Variants in GRIA2 observed in about 807,000 individuals in gnomAD.
The protein encoded by GRIA2 is glutamate ionotropic receptor AMPA type subunit 2.
A neutral mutation model predicts 97.3 loss-of-function variants in GRIA2; 14 were observed. The ratio of observed to expected loss-of-function variants is 0.14; its 90% CI spans 0.10 to 0.23. GRIA2 has a LOEUF of 0.23. GRIA2 is among the 10% of genes least tolerant of loss of function. The pLI is 1.00. For missense variants in GRIA2, 558 were observed against 1,069.8 expected (o/e 0.52, Z 6.67); for synonymous variants, 412 against 387.8 (o/e 1.06, Z -0.73).
In GRIA2 at chr4:157,361,466, T is replaced by C. The variant is rs75568017; in HGVS notation, c.2406+342T>C. 11 of 1,163,344 alleles carry C rather than the reference T, an allele frequency of 9.5e-6. No individual in the cohort carries two copies. In the East Asian group the frequency reaches 2.7e-4, roughly 29 times the overall value. The allele number at this position is 1,163,344 out of a possible 1,614,324, so 72.1% of individuals were successfully genotyped here. On this transcript the variant is annotated intron_variant, in intron 14 of 15. Coordinates refer to ENST00000264426, the MANE Select transcript of GRIA2 (RefSeq NM_001083619.3). This position sits in a 1 kb window ranked among gnomAD's most constrained non-coding sequence, Gnocchi z 5.2. Reference sequence around the variant, plus strand: ...ATGACTATCGCTCTTACAAAGCTCTTGAATCAGTATTATGTAATGAATAAC... The same window carrying C: ...ATGACTATCGCTCTTACAAAGCTCTCGAATCAGTATTATGTAATGAATAAC...
At chr4:157,355,244 C>T (rs1158633319) in intron 12 of GRIA2, among the ~76,000 whole-genome samples, 1 of 152,068 alleles carries the variant, frequency 6.6e-6, no homozygotes, top group African/African-American at 2.4e-5. Flanking sequence ...ACACAGTCTT[C>T]CGGCCGGGCA....
At chr4:157,255,552 G>A (rs1019961679) in intron 2 of GRIA2, among the ~76,000 whole-genome samples, 6 of 151,674 alleles carry the variant, frequency 4.0e-5, no homozygotes, top group South Asian at 4.2e-4. Flanking sequence ...TTTTCTCTGC[G>A]TCCTCACCAA....
At position 157,312,696 on chromosome 4, in the gene GRIA2, G is replaced by T. The variant is rs747988818; in HGVS notation, c.487G>T (p.Ala163Ser). ...DSDRGLSTLQAVLDSAAEKKW... is the reference protein window; with the variant it reads ...DSDRGLSTLQSVLDSAAEKKW... ...CTTCCTAGGCTTATCAACACTGCAAGCTGTGCTGGATTCTGCTGCTGAAAA... is the reference window on the plus strand; with the variant it reads ...CTTCCTAGGCTTATCAACACTGCAATCTGTGCTGGATTCTGCTGCTGAAAA... Residue 163 changes from alanine (A) to serine (S), a missense_variant, in exon 4 of 16, where the codon GCT becomes TCT. Transcript: ENST00000264426. 11 of 1,601,636 alleles carry T rather than the reference G, an allele frequency of 6.9e-6. No homozygotes were observed. Among genetic ancestry groups the T allele is most frequent in the Admixed American group, 1.7e-5 (1 of 58,752 alleles).
intron 3 of GRIA2, 28 bp from the exon 4 acceptor site, chr4:157,312,651 C>T: frequency 7.6e-7 from 1 of 1,312,362 alleles, no homozygotes. Flanking sequence ...GTATCTTTAT[C>T]AGTCATCATT....
chr4:157,246,358 T>C (rs1286448445), intron 2 of GRIA2, among the ~76,000 whole-genome samples: 1 of 152,122 alleles, frequency 6.6e-6, no homozygotes, highest in Non-Finnish European at 1.5e-5. Context: ...ATATAGAAAG[T>C]GCTCAATAAA....
At chr4:157,310,195 T>C (rs79902050) in intron 3 of GRIA2, among the ~76,000 whole-genome samples, 117 of 152,282 alleles carry the variant, frequency 7.7e-4, no homozygotes, top group African/African-American at 2.8e-3. Flanking sequence ...ATGGAAATCA[T>C]AGGCGATCTG....
intron 6 of GRIA2, among the ~76,000 whole-genome samples, chr4:157,326,871 G>T (rs1006883758): frequency 6.6e-6 from 1 of 152,020 alleles, no homozygotes; most frequent in African/African-American, 2.4e-5. Flanking sequence ...GCTGATCATG[G>T]CTTTGATACA....
intron 3 of GRIA2, among the ~76,000 whole-genome samples, 193 bp from the exon 4 acceptor site, chr4:157,312,486 A>G (rs1734123415): frequency 6.6e-6 from 1 of 152,126 alleles, no homozygotes; most frequent in Non-Finnish European, 1.5e-5. Flanking sequence ...TATTTAGGTA[A>G]TGAGTTTTTG....
intron 2 of GRIA2, among the ~76,000 whole-genome samples, chr4:157,255,372 G>A (rs1731194284): frequency 6.6e-6 from 1 of 151,870 alleles, no homozygotes; most frequent in East Asian, 1.9e-4. Context: ...AAAATACGAG[G>A]GCAGGTATCT....
Position 157,321,519 on chromosome 4 carries a change from T to C in GRIA2, c.802T>C (p.Ser268Pro). 1 of 1,606,320 alleles carries C rather than the reference T, an allele frequency of 6.2e-7. No individual in the cohort carries two copies. Residue 268 changes from serine to proline, a missense_variant, in exon 6 of 16, where the codon TCG becomes CCG. Coordinates refer to ENST00000264426, the MANE Select transcript of GRIA2 (RefSeq NM_001083619.3). ...SGFQIVDYDD[S>P]LVSKFIERWS... ...ATTTCAGATAGTGGACTATGATGAT[T>C]CGTTGGTATCTAAATTTATAGAAAG...
intron 12 of GRIA2, among the ~76,000 whole-genome samples, chr4:157,353,036 C>T (rs1044014674): frequency 6.6e-6 from 1 of 151,826 alleles, no homozygotes; most frequent in East Asian, 2.0e-4. Context: ...TCAGCCTGGG[C>T]GACAGAGCGA....
At chr4:157,248,805 T>TTATAATATATATATATA (rs1730888305) in intron 2 of GRIA2, among the ~76,000 whole-genome samples, 1 of 127,114 alleles carries the variant, frequency 7.9e-6, no homozygotes, top group Non-Finnish European at 1.7e-5. Flanking sequence ...TATATATATA[T>TTATAATATATATATATA]ATATATATAA....
chr4:157,253,919 G>C (rs114405569), intron 2 of GRIA2, among the ~76,000 whole-genome samples: 5 of 151,964 alleles, frequency 3.3e-5, no homozygotes, highest in African/African-American at 1.2e-4. Flanking sequence ...TCTTGTAAAA[G>C]ATTTGTCAAA....
chr4:157,248,804 ATATATAT>A (rs1730888177), intron 2 of GRIA2, among the ~76,000 whole-genome samples: 2 of 137,244 alleles, frequency 1.5e-5, no homozygotes, highest in Non-Finnish European at 3.1e-5. Flanking sequence ...ATATATATAT[ATATATAT>A]ATAAATAAAA....
chr4:157,318,470 G>A (rs990301400), intron 5 of GRIA2, among the ~76,000 whole-genome samples: 19 of 151,950 alleles, frequency 1.3e-4, no homozygotes, highest in Non-Finnish European at 2.6e-4. Context: ...GTCAAAATAA[G>A]GACCACTTAA....
At chr4:157,350,931 C>CTTTTT in intron 12 of GRIA2, among the ~76,000 whole-genome samples, 1 of 117,534 alleles carries the variant, frequency 8.5e-6, no homozygotes, top group Non-Finnish European at 1.8e-5. Context: ...TTAGTTTTTT[C>CTTTTT]TTTTTTTTTT....
At chr4:157,228,418 A>T (rs941629148) in intron 2 of GRIA2, among the ~76,000 whole-genome samples, 1 of 152,202 alleles carries the variant, frequency 6.6e-6, no homozygotes, top group East Asian at 1.9e-4. Flanking sequence ...ATATTGATGT[A>T]TGTTAAAATG....
intron 12 of GRIA2, among the ~76,000 whole-genome samples, chr4:157,355,923 T>TTATATATAAA (rs558129455): frequency 0.56 from 37,498 of 66,720 alleles, 12,079 homozygotes; most frequent in South Asian, 0.8. Context: ...ATTAATATAT[T>TTATATATAAA]TATATATATT....
intron 2 of GRIA2, among the ~76,000 whole-genome samples, chr4:157,276,871 A>T: frequency 6.6e-6 from 1 of 151,976 alleles, no homozygotes; most frequent in Non-Finnish European, 1.5e-5. Context: ...ATAAAGAAAT[A>T]GACAATTGAA....
Sources: gnomAD v4.1 joint callset for allele counts (sites outside exome capture counted in the v4.1 genomes callset) on GRCh38, gnomAD v4.1.1 for gene constraint, Gnocchi (gnomAD v3.1) non-coding constraint, MANE v1.5 for transcripts, NCBI Gene and HGNC (gene_info 2026-07-23, HGNC 2026-07-21) for gene names.